Variants in ZNF10 observed in about 807,000 individuals in gnomAD.
ZNF10 encodes zinc finger protein 10 (KOX 1).
ZNF10 carries 8 observed loss-of-function variants against 12.2 expected under a neutral mutation model. The ratio of observed to expected loss-of-function variants is 0.66; its 90% CI spans 0.39 to 1.18. ZNF10 has a LOEUF of 1.18. Ranked by LOEUF, ZNF10 falls within the 50% of genes most tolerant of loss-of-function variation. The pLI, the probability that ZNF10 is intolerant of heterozygous loss-of-function variation, is 0.01. For missense variants in ZNF10, 603 were observed against 678.9 expected (o/e 0.89, Z 1.24); for synonymous variants, 229 against 228.2 (o/e 1.00, Z -0.03).
At chr12:133,141,962 A>T (rs1015423710) in intron 1 of ZNF10, among the ~76,000 whole-genome samples, 2 of 152,226 alleles carry the variant, frequency 1.3e-5, no homozygotes, top group South Asian at 4.1e-4. Flanking sequence ...CTATATACAG[A>T]GGAATAAGGG....
At chr12:133,137,840 AAAAC>A (rs1333483039) in intron 1 of ZNF10, among the ~76,000 whole-genome samples, 1 of 152,212 alleles carries the variant, frequency 6.6e-6, no homozygotes, top group Non-Finnish European at 1.5e-5. Flanking sequence ...TGTTTCCTCA[AAAAC>A]AAACAAAACT....
intron 1 of ZNF10, among the ~76,000 whole-genome samples, chr12:133,142,010 G>C (rs1431837836): frequency 6.6e-6 from 1 of 152,118 alleles, no homozygotes. Context: ...AGACATCTAA[G>C]AAGAGTGGAA....
intron 1 of ZNF10, among the ~76,000 whole-genome samples, chr12:133,136,506 T>C (rs1955912687): frequency 6.6e-6 from 1 of 152,222 alleles, no homozygotes; most frequent in African/African-American, 2.4e-5. Flanking sequence ...CTGCCTCCTT[T>C]TTGGGCTTCT....
chr12:133,134,004 A>G (rs998031699), intron 1 of ZNF10, among the ~76,000 whole-genome samples: 4 of 152,178 alleles, frequency 2.6e-5, no homozygotes, highest in Non-Finnish European at 5.9e-5. Context: ...CCTTAAAAGT[A>G]AAAGAGCTGG....
At chr12:133,155,065 C>G (rs969323425) in intron 4 of ZNF10, among the ~76,000 whole-genome samples, 1 of 145,904 alleles carries the variant, frequency 6.9e-6, no homozygotes, top group Non-Finnish European at 1.5e-5. Flanking sequence ...ACAACAAGAG[C>G]GAAACTGTCT....
At chr12:133,131,287 CAG>C (rs772167744) in intron 1 of ZNF10, among the ~76,000 whole-genome samples, 5 of 151,774 alleles carry the variant, frequency 3.3e-5, no homozygotes, top group East Asian at 3.9e-4. Context: ...TTTTCAGAGA[CAG>C]ATCATAAGTT....
intron 1 of ZNF10, among the ~76,000 whole-genome samples, chr12:133,141,952 C>A (rs1008595951): frequency 7.9e-5 from 12 of 151,906 alleles, no homozygotes; most frequent in Non-Finnish European, 8.8e-5. Context: ...AAAATACATG[C>A]TATATACAGA....
intron 2 of ZNF10, among the ~76,000 whole-genome samples, chr12:133,148,979 C>T (rs575889707): frequency 2.1e-4 from 32 of 151,682 alleles, no homozygotes; most frequent in African/African-American, 7.3e-4. Context: ...CTGGAACCCC[C>T]GACCTCAGGT....
chr12:133,146,524 T>C (rs1179976867), intron 2 of ZNF10, among the ~76,000 whole-genome samples: 1 of 152,154 alleles, frequency 6.6e-6, no homozygotes, highest in African/African-American at 2.4e-5. Flanking sequence ...GACAGATGCA[T>C]ATAGTTGTGT....
At chr12:133,135,219 T>G (rs1955904108) in intron 1 of ZNF10, among the ~76,000 whole-genome samples, 2 of 152,140 alleles carry the variant, frequency 1.3e-5, no homozygotes, top group African/African-American at 4.8e-5. Context: ...CTGCCTTGTC[T>G]TACTGGGAAG....
intron 1 of ZNF10, among the ~76,000 whole-genome samples, chr12:133,135,775 A>T (rs1566343690): frequency 6.6e-6 from 1 of 152,142 alleles, no homozygotes; most frequent in African/African-American, 2.4e-5. Context: ...AGGCATTCTT[A>T]CTTCTCTTGC....
At chr12:133,152,207 C>T (rs1360522919) in intron 4 of ZNF10, among the ~76,000 whole-genome samples, 2 of 152,124 alleles carry the variant, frequency 1.3e-5, no homozygotes, top group African/African-American at 4.8e-5. Flanking sequence ...GCATTTTTGC[C>T]TCTCTTTGTT....
intron 2 of ZNF10, among the ~76,000 whole-genome samples, chr12:133,145,396 T>G (rs1429143033): frequency 1.3e-5 from 2 of 152,242 alleles, no homozygotes; most frequent in African/African-American, 4.8e-5. Flanking sequence ...CATCTCTGTC[T>G]TCTTTAACAC....
chr12:133,131,071 T>G (rs1169531466), intron 1 of ZNF10: 4 of 152,212 alleles, frequency 2.6e-5, no homozygotes, highest in South Asian at 4.1e-4. Context: ...CTAGTCTAAC[T>G]TCCATTTTTC....
In ZNF10 at chr12:133,158,830, CGTT is replaced by C. The variant is rs1468206674; in HGVS notation, c.*1865_*1867del. The C allele has an allele frequency of 6.6e-6, 1 of 152,162 alleles. No homozygotes were observed. The highest frequency in any genetic ancestry group is 2.4e-5 in the African/African-American group (1 of 41,426). The allele number at this position is 152,162 out of a possible 1,614,324, so 9.4% of individuals were successfully genotyped here. A position where few individuals can be genotyped will look rare whatever the true frequency, so the allele number is the denominator to read the frequency against. The stretch of plus-strand genomic sequence containing the variant: ...ATGGCAGCCTCTAGCTCATACTTGT[CGTT>C]GTACAATTGAGATCAAGTGAATTGG... On this transcript the variant is annotated 3_prime_UTR_variant, in exon 5 of 5. Transcript: ENST00000248211.
intron 1 of ZNF10, among the ~76,000 whole-genome samples, chr12:133,131,838 A>G (rs1955879514): frequency 1.3e-5 from 2 of 152,034 alleles, no homozygotes; most frequent in South Asian, 4.2e-4. Flanking sequence ...CATAAATTAA[A>G]TGAGAATTTC....
At chr12:133,143,342 A>G (rs1955957196) in intron 1 of ZNF10, among the ~76,000 whole-genome samples, 1 of 152,204 alleles carries the variant, frequency 6.6e-6, no homozygotes, top group Non-Finnish European at 1.5e-5. Context: ...GGCAAAAAAA[A>G]AAAATTATTT....
In ZNF10 at chr12:133,156,210, GA is replaced by G; in HGVS notation, c.966del (p.Glu322AspfsTer79). 1 of 1,614,048 alleles carries G rather than the reference GA, an allele frequency of 6.2e-7. No homozygotes were observed. Among genetic ancestry groups the G allele is most frequent in the Non-Finnish European group, 8.5e-7 (1 of 1,180,016 alleles). On this transcript the variant is annotated frameshift_variant, in exon 5 of 5. Transcript: ENST00000248211. LOFTEE classifies it low-confidence loss of function (END_TRUNC). Reference protein sequence around the residue: ...QKTHTGEEPYECKECGKSFSW... With the variant: ...QKTHTGEEPYXCKECGKSFSW... ...GACCCATACTGGTGAGGAACCCTAT[GA>G]ATGTAAAGAATGTGGAAAATCCTTC... is the stretch of plus-strand genomic sequence containing the variant.
At position 133,133,572 on chromosome 12, in the gene ZNF10, G is replaced by A. The variant is rs141771988; in HGVS notation, c.-60+2818G>A. On this transcript the variant is annotated intron_variant, in intron 1 of 4. Transcript: ENST00000248211. Reference sequence around the variant, plus strand: ...ATAGGGCATGGGCAGAGTCCTTCATGTTTACGGATGATAGAACCACTGATC... The same window carrying A: ...ATAGGGCATGGGCAGAGTCCTTCATATTTACGGATGATAGAACCACTGATC... Among the ~76,000 whole-genome samples the A allele has an allele frequency of 4.8e-3, 736 of 152,310 alleles. 11 individuals are homozygous for A. Among genetic ancestry groups the A allele is most frequent in the Non-Finnish European group, 8.5e-3 (577 of 68,018 alleles).
Sources: allele counts gnomAD v4.1 joint callset (sites outside exome capture counted in the v4.1 genomes callset), GRCh38; gene constraint gnomAD v4.1.1; transcripts MANE v1.5; gene names NCBI Gene and HGNC (gene_info 2026-07-23, HGNC 2026-07-21).